The following CCDC102B variants were observed in gnomAD, a reference collection of about 807,000 sequenced individuals.
The protein encoded by CCDC102B is coiled-coil domain-containing protein 102B.
A neutral mutation model predicts 57.4 loss-of-function variants in CCDC102B; 75 were observed. The ratio of observed to expected loss-of-function variants is 1.31; its 90% CI spans 1.08 to 1.58. The LOEUF is 1.58. CCDC102B is among the 40% of genes most tolerant of loss of function. The pLI, the probability that CCDC102B is intolerant of heterozygous loss-of-function variation, is 0.00. For missense variants in CCDC102B, 636 were observed against 582.6 expected (o/e 1.09, Z -0.94); for synonymous variants, 206 against 201.9 (o/e 1.02, Z -0.17).
At chr18:68,760,571 C>T (rs1805501754) in intron 2 of CCDC102B, among the ~76,000 whole-genome samples, 1 of 152,058 alleles carries the variant, frequency 6.6e-6, no homozygotes, top group Non-Finnish European at 1.5e-5. Context: ...CAGGAGTCTT[C>T]AAGGACTACA....
chr18:68,874,685 G>A lies in CCDC102B; in HGVS notation c.953G>A (p.Gly318Asp). 6.2e-7 allele frequency: 1 copy of A among 1,608,076 alleles called. No individual in the cohort carries two copies. The highest frequency in any genetic ancestry group is 8.5e-7 in the Non-Finnish European group (1 of 1,175,322). ...CTTTTTCAGTTTGACATTCTTCTTGGTCAACATAATGATGAAATGCAAGAA... is the reference window on the plus strand; with the variant it reads ...CTTTTTCAGTTTGACATTCTTCTTGATCAACATAATGATGAAATGCAAGAA... ...KNVKEFDILLGQHNDEMQELS... is the reference protein window; with the variant it reads ...KNVKEFDILLDQHNDEMQELS... The change falls in exon 5 of 8, where the codon GGT becomes GAT. Residue 318 changes from glycine to aspartate, a missense_variant. By Grantham distance (94) the Gly-to-Asp change is moderately conservative (BLOSUM62 -1). Transcript: ENST00000360242.
intron 4 of CCDC102B, chr18:68,866,902 C>G: frequency 1.6e-6 from 1 of 606,278 alleles, no homozygotes; most frequent in South Asian, 1.6e-5. Flanking sequence ...TGTATCACAC[C>G]TGGAGTGGGA....
intron 2 of CCDC102B, among the ~76,000 whole-genome samples, chr18:68,739,346 C>T (rs970296373): frequency 1.3e-5 from 2 of 152,198 alleles, no homozygotes; most frequent in Non-Finnish European, 2.9e-5. Flanking sequence ...AGCAGGCTCA[C>T]TGTTTCATGA....
At chr18:68,776,996 A>C (rs531921194) in intron 2 of CCDC102B, among the ~76,000 whole-genome samples, 1 of 152,184 alleles carries the variant, frequency 6.6e-6, no homozygotes, top group African/African-American at 2.4e-5. Context: ...TGTGCAGATA[A>C]TTTTCCTTGG....
chr18:68,865,419 G>T lies in CCDC102B; in HGVS notation c.937-9250G>T, dbSNP rs182737536. Among the ~76,000 whole-genome samples the T allele has an allele frequency of 3.3e-5, 5 of 152,140 alleles. No homozygotes were observed. The East Asian group carries it at 9.6e-4, about 29-fold the overall frequency. Reference sequence around the variant, plus strand: ...TTTTGTTAAGTTCACTGCTCAGACTGGTTTTATGGAGAGATTTGTAGACTT... The same window carrying T: ...TTTTGTTAAGTTCACTGCTCAGACTTGTTTTATGGAGAGATTTGTAGACTT... On this transcript the variant is annotated intron_variant, in intron 4 of 7. Coordinates refer to ENST00000360242, the MANE Select transcript of CCDC102B (RefSeq NM_024781.3).
intron 7 of CCDC102B, among the ~76,000 whole-genome samples, chr18:69,015,030 A>AG (rs1279693442): frequency 1.3e-5 from 2 of 150,500 alleles, no homozygotes; most frequent in Non-Finnish European, 3.0e-5. Context: ...AGAGAGAGAG[A>AG]AAAAAAATTT....
At chr18:68,821,260 A>G (rs966385103) in intron 1 of CCDC102B, among the ~76,000 whole-genome samples, 1 of 152,048 alleles carries the variant, frequency 6.6e-6, no homozygotes, top group African/African-American at 2.4e-5. Flanking sequence ...AAAAATAAAT[A>G]CTTGCTGCTT....
chr18:68,828,124 T>C (rs549388379), intron 1 of CCDC102B, among the ~76,000 whole-genome samples: 2 of 151,762 alleles, frequency 1.3e-5, no homozygotes, highest in Non-Finnish European at 2.9e-5. Flanking sequence ...TCAGGAATTA[T>C]AGTTGAGGAT....
At chr18:68,788,402 T>C (rs973742062) in intron 2 of CCDC102B, among the ~76,000 whole-genome samples, 1 of 149,160 alleles carries the variant, frequency 6.7e-6, no homozygotes, top group Admixed American at 6.7e-5. Flanking sequence ...TTCTGTCTCG[T>C]TGATCTGTCT....
At chr18:68,737,714 G>T (rs958917396) in intron 2 of CCDC102B, among the ~76,000 whole-genome samples, 1 of 152,082 alleles carries the variant, frequency 6.6e-6, no homozygotes, top group Non-Finnish European at 1.5e-5. Context: ...CAATTATGTA[G>T]CAGCAGCCCT....
chr18:69,019,475 T>C (rs894279123), intron 7 of CCDC102B, among the ~76,000 whole-genome samples: 6 of 151,920 alleles, frequency 3.9e-5, no homozygotes, highest in Admixed American at 3.3e-4. Flanking sequence ...TATGGTATTA[T>C]AATTTTCTTA....
At chr18:68,786,303 A>G (rs1257723558) in intron 2 of CCDC102B, among the ~76,000 whole-genome samples, 11 of 150,012 alleles carry the variant, frequency 7.3e-5, no homozygotes, top group South Asian at 6.3e-4. Context: ...TTGACTTGGC[A>G]ATGCGGGCTC....
chr18:68,809,432 T>C (rs942326673), intron 1 of CCDC102B, among the ~76,000 whole-genome samples: 1 of 152,240 alleles, frequency 6.6e-6, no homozygotes, highest in African/African-American at 2.4e-5. Flanking sequence ...AATTCTGTTT[T>C]TTCCAGTTTT....
At chr18:68,992,148 G>A (rs57388086) in intron 6 of CCDC102B, among the ~76,000 whole-genome samples, 2 of 151,642 alleles carry the variant, frequency 1.3e-5, no homozygotes, top group Non-Finnish European at 2.9e-5. Context: ...CAATCACTAC[G>A]TAGGGACATT....
intron 2 of CCDC102B, among the ~76,000 whole-genome samples, chr18:68,780,474 T>G (rs1273968980): frequency 6.6e-6 from 1 of 151,872 alleles, no homozygotes. Context: ...ACACTTGTTT[T>G]TTTTTTTTTT....
chr18:68,851,720 G>GA (rs923406933), intron 4 of CCDC102B, among the ~76,000 whole-genome samples: 97 of 152,106 alleles, frequency 6.4e-4, no homozygotes, highest in African/African-American at 2.1e-3. Context: ...ACAATCAAAA[G>GA]AAAACAGCTC....
intron 4 of CCDC102B, among the ~76,000 whole-genome samples, chr18:68,849,267 G>A (rs1381948913): frequency 6.6e-6 from 1 of 152,008 alleles, no homozygotes; most frequent in Non-Finnish European, 1.5e-5. Flanking sequence ...CGTACATCAA[G>A]GCAAGGTCCT....
chr18:68,717,328 T>A (rs1306765197), intron 2 of CCDC102B, among the ~76,000 whole-genome samples: 1 of 152,242 alleles, frequency 6.6e-6, no homozygotes, highest in Non-Finnish European at 1.5e-5. Context: ...ATACACTGGA[T>A]CACTGGATTG....
At chr18:68,827,705 C>G (rs1471289800) in intron 1 of CCDC102B, among the ~76,000 whole-genome samples, 2 of 151,852 alleles carry the variant, frequency 1.3e-5, no homozygotes, top group Non-Finnish European at 2.9e-5. Flanking sequence ...CAGAGATTGG[C>G]AGGGTGAATA....
Sources: allele counts gnomAD v4.1 joint callset (sites outside exome capture counted in the v4.1 genomes callset), GRCh38; gene constraint gnomAD v4.1.1; transcripts MANE v1.5; gene names NCBI Gene and HGNC (gene_info 2026-07-23, HGNC 2026-07-21).